RIN3: variants seen among roughly 807,000 people sequenced by gnomAD.
The protein encoded by RIN3 is RAB5 interacting protein 3.
A neutral mutation model predicts 76.3 loss-of-function variants in RIN3; 54 were observed. The observed-to-expected ratio is 0.71, with a 90% CI of 0.57 to 0.89. The LOEUF is 0.89. Among genes scored for constraint, RIN3 ranks in the 40% least tolerant of loss-of-function variants. RIN3 has a pLI of 0.00. For synonymous variants in RIN3, 576 were observed against 564.0 expected, an observed-to-expected ratio of 1.02 and a Z score of -0.30; for missense variants, 1,256 against 1,322.1, an observed-to-expected ratio of 0.95 and a Z score of 0.78.
At chr14:92,519,964 G>A (rs1206614299) in intron 1 of RIN3, among the ~76,000 whole-genome samples, 1 of 152,220 alleles carries the variant, frequency 6.6e-6, no homozygotes, top group Non-Finnish European at 1.5e-5. Context: ...TGCCAGTAGG[G>A]CCTCTGTGCA....
At position 92,514,850 on chromosome 14, in the gene RIN3, CG is replaced by C. The variant is rs536051629; in HGVS notation, c.44+878del. Among the ~76,000 whole-genome samples, 7 of 152,294 alleles carry C rather than the reference CG, an allele frequency of 4.6e-5. No homozygotes were observed. In the South Asian group the frequency reaches 1.2e-3, roughly 27 times the overall value. On this transcript the variant is annotated intron_variant, in intron 1 of 9. Coordinates refer to ENST00000216487, the MANE Select transcript of RIN3 (RefSeq NM_024832.5). The surrounding 1 kb of genome is among the most constrained non-coding windows in gnomAD (Gnocchi z 7.2). ...AGACGCCCGGTCGGAGGCGGATTCCCGGGGAAAGCCTATTTCTGGGTACCCA... is the reference window on the plus strand; with the variant it reads ...AGACGCCCGGTCGGAGGCGGATTCCCGGGAAAGCCTATTTCTGGGTACCCA...
intron 1 of RIN3, among the ~76,000 whole-genome samples, chr14:92,521,897 G>A (rs1044543581): frequency 2.0e-5 from 3 of 152,212 alleles, no homozygotes; most frequent in African/African-American, 7.2e-5. Flanking sequence ...GAGCTGGCAT[G>A]TGAATTGGAT....
At chr14:92,515,434 T>C (rs1359023730) in intron 1 of RIN3, 5 of 542,236 alleles carry the variant, frequency 9.2e-6, no homozygotes, top group Non-Finnish European at 1.6e-5. Flanking sequence ...TCTTGTCTTT[T>C]TTTGTTCATT....
At chr14:92,602,786 G>A (rs571983627) in intron 3 of RIN3, among the ~76,000 whole-genome samples, 36 of 152,256 alleles carry the variant, frequency 2.4e-4, no homozygotes, top group African/African-American at 8.4e-4. Context: ...GCTCTAGAAT[G>A]TAACTCTGGA....
intron 7 of RIN3, among the ~76,000 whole-genome samples, chr14:92,663,039 G>A (rs1348196991): frequency 6.6e-6 from 1 of 152,058 alleles, no homozygotes; most frequent in Non-Finnish European, 1.5e-5. Context: ...TCGAACTCCT[G>A]AGCTCAAGCA....
chr14:92,661,759 A>ACACACACACAC (rs11436084), intron 7 of RIN3, among the ~76,000 whole-genome samples: 1 of 101,878 alleles, frequency 9.8e-6, no homozygotes, highest in Non-Finnish European at 2.1e-5. Context: ...ACACACACAC[A>ACACACACACAC]AAAAATAGAA....
At chr14:92,524,036 T>A (rs1044569467) in intron 1 of RIN3, among the ~76,000 whole-genome samples, 4 of 152,084 alleles carry the variant, frequency 2.6e-5, no homozygotes, top group South Asian at 4.1e-4. Flanking sequence ...CTACAAAAAA[T>A]TTTATAAATG....
Position 92,652,596 on chromosome 14 carries a change from A to G in RIN3, c.1547A>G (p.Gln516Arg). The change falls in exon 6 of 10, where the codon CAG (glutamine) becomes CGG (arginine). Residue 516 changes from glutamine (Q) to arginine (R), a missense_variant. Physicochemically the swap from Gln to Arg is conservative, Grantham distance 43. Around this residue, in one of 3 missense-constraint regions of RIN3, gnomAD observed 428 missense variants for 521.2 expected, o/e 0.82. Transcript: ENST00000216487. This position sits in a 1 kb window ranked among gnomAD's most constrained non-coding sequence, Gnocchi z 6.4. ...GCTGGGACTCAGCACCCTCCTGCCC[A>G]GGCCACTGCCCATTCCCAGAGCTCT... Reference protein sequence around the residue: ...SQAGTQHPPAQATAHSQSSPE... With the variant: ...SQAGTQHPPARATAHSQSSPE... The G allele has an allele frequency of 6.2e-7, 1 of 1,611,470 alleles. No individual in the cohort carries two copies. Among genetic ancestry groups the G allele is most frequent in the South Asian group, 1.1e-5 (1 of 91,080 alleles).
At chr14:92,559,325 G>A (rs1358935446) in intron 2 of RIN3, among the ~76,000 whole-genome samples, 2 of 152,202 alleles carry the variant, frequency 1.3e-5, no homozygotes, top group Non-Finnish European at 2.9e-5. Context: ...CCACTAGAGT[G>A]GGCTAACTTT....
At chr14:92,551,239 T>A (rs1897416397) in intron 1 of RIN3, among the ~76,000 whole-genome samples, 1 of 152,228 alleles carries the variant, frequency 6.6e-6, no homozygotes, top group African/African-American at 2.4e-5. Context: ...CTTCCTTGAC[T>A]CAGCATAATG....
intron 1 of RIN3, among the ~76,000 whole-genome samples, chr14:92,531,597 T>C (rs1595392437): frequency 6.6e-6 from 1 of 152,292 alleles, no homozygotes; most frequent in African/African-American, 2.4e-5. Flanking sequence ...GGGCACATGA[T>C]ACGCTTATTC....
At position 92,653,065 on chromosome 14, in the gene RIN3, G is replaced by A. The variant is rs1469056744; in HGVS notation, c.2016G>A (p.Glu672=). 2.5e-6 allele frequency: 4 copies of A among 1,601,294 alleles called. No individual in the cohort carries two copies. The highest frequency in any genetic ancestry group is 2.2e-5 in the East Asian group (1 of 44,760). Residue 672 remains glutamate, a synonymous_variant, in exon 6 of 10, where the codon GAG becomes GAA. Coordinates refer to ENST00000216487, the MANE Select transcript of RIN3 (RefSeq NM_024832.5). ...KALVDPALHS[E]EELEAIVESA... is the part of the protein sequence containing the mutation. ...TGGTGGACCCCGCCCTGCACTCCGA[G>A]GAGGAGCTCGGTCAGTGCCCTGGGA...
chr14:92,606,702 A>G (rs559621616), intron 3 of RIN3, among the ~76,000 whole-genome samples: 2 of 152,360 alleles, frequency 1.3e-5, no homozygotes, highest in Non-Finnish European at 2.9e-5. Context: ...AAAAACCACC[A>G]TGAGATACAC....
At chr14:92,636,723 T>C (rs929142118) in intron 4 of RIN3, among the ~76,000 whole-genome samples, 1 of 152,046 alleles carries the variant, frequency 6.6e-6, no homozygotes, top group Non-Finnish European at 1.5e-5. Flanking sequence ...TGCAGAGCAA[T>C]TGATGGAACA....
intron 1 of RIN3, among the ~76,000 whole-genome samples, chr14:92,554,275 A>T (rs1282263882): frequency 6.6e-6 from 1 of 152,034 alleles, no homozygotes; most frequent in African/African-American, 2.4e-5. Context: ...GTGTGTTGGG[A>T]TGGGGAAGGC....
At chr14:92,669,079 T>G (rs1195335968) in intron 7 of RIN3, among the ~76,000 whole-genome samples, 2 of 152,248 alleles carry the variant, frequency 1.3e-5, no homozygotes, top group Admixed American at 6.5e-5. Context: ...AAGCATTAAA[T>G]AAGCAAGCAT....
At chr14:92,520,789 C>G (rs189922330) in intron 1 of RIN3, among the ~76,000 whole-genome samples, 43 of 152,330 alleles carry the variant, frequency 2.8e-4, no homozygotes, top group Admixed American at 2.8e-3. Flanking sequence ...CTACAGGGAA[C>G]AAGCTGTCAA....
At chr14:92,638,807 G>A (rs1041638180) in intron 4 of RIN3, among the ~76,000 whole-genome samples, 7 of 152,148 alleles carry the variant, frequency 4.6e-5, no homozygotes, top group African/African-American at 9.7e-5. Context: ...TCAGCTGGCC[G>A]GTCCCCAGAC....
At chr14:92,534,700 C>A (rs1304883176) in intron 1 of RIN3, among the ~76,000 whole-genome samples, 3 of 151,974 alleles carry the variant, frequency 2.0e-5, no homozygotes, top group Non-Finnish European at 4.4e-5. Flanking sequence ...TTGTCCAGGG[C>A]AGCTGAGGGG....
Sources: allele counts gnomAD v4.1 joint callset (sites outside exome capture counted in the v4.1 genomes callset), GRCh38; gene constraint gnomAD v4.1.1; regional missense constraint gnomAD v4.1.1; non-coding constraint Gnocchi (gnomAD v3.1); transcripts MANE v1.5; gene names NCBI Gene and HGNC (gene_info 2026-07-23, HGNC 2026-07-21).